Variants in ERBB4 observed in about 807,000 individuals in gnomAD.
ERBB4 encodes erb-b2 receptor tyrosine kinase 4.
ERBB4 carries 42 observed loss-of-function variants against 158.0 expected under a neutral mutation model. That is an observed-to-expected ratio of 0.27 (90% CI 0.21 to 0.34). The LOEUF (loss-of-function observed/expected upper bound fraction) is 0.34, where lower values mean the gene tolerates loss of function less well. Ranked by LOEUF, ERBB4 falls within the 10% of genes least tolerant of loss-of-function variation. The pLI, the probability that ERBB4 is intolerant of heterozygous loss-of-function variation, is 1.00. For missense variants in ERBB4, 1,333 were observed against 1,624.1 expected (o/e 0.82, Z 3.08); for synonymous variants, 583 against 558.7 (o/e 1.04, Z -0.61).
At chr2:211,717,290 T>C (rs900511566) in intron 7 of ERBB4, among the ~76,000 whole-genome samples, 32 of 152,126 alleles carry the variant, frequency 2.1e-4, no homozygotes, top group African/African-American at 7.0e-4. Context: ...CATGGTGACA[T>C]ATAGGGTGAC....
chr2:211,655,395 G>C (rs998731879), intron 16 of ERBB4, among the ~76,000 whole-genome samples: 3 of 152,080 alleles, frequency 2.0e-5, no homozygotes, highest in African/African-American at 4.8e-5. Flanking sequence ...GCCAGGCACT[G>C]TTCTAAGGAC....
chr2:211,888,746 G>C (rs1159716633), intron 3 of ERBB4, among the ~76,000 whole-genome samples: 1 of 152,062 alleles, frequency 6.6e-6, no homozygotes, highest in Non-Finnish European at 1.5e-5. Context: ...GGAAGCGCGA[G>C]GGGTCAGGGA....
intron 1 of ERBB4, among the ~76,000 whole-genome samples, chr2:212,517,006 G>A (rs1340324678): frequency 6.6e-6 from 1 of 152,048 alleles, no homozygotes; most frequent in Non-Finnish European, 1.5e-5. Flanking sequence ...TTAATTTCAG[G>A]CCCACAATCA....
At chr2:211,677,919 A>G (rs1044904275) in intron 13 of ERBB4, among the ~76,000 whole-genome samples, 6 of 152,066 alleles carry the variant, frequency 3.9e-5, no homozygotes, top group Non-Finnish European at 7.4e-5. Context: ...AAGAAAGAAA[A>G]TACTTTCAGT....
intron 1 of ERBB4, among the ~76,000 whole-genome samples, chr2:212,328,433 G>C (rs11898745): frequency 0.031 from 4,750 of 152,086 alleles, 247 homozygotes; most frequent in African/African-American, 0.11. Context: ...AGCCCTCCTA[G>C]ATTCTATAAT....
intron 1 of ERBB4, among the ~76,000 whole-genome samples, chr2:212,511,953 A>C (rs1168161069): frequency 6.6e-6 from 1 of 152,116 alleles, no homozygotes; most frequent in Non-Finnish European, 1.5e-5. Flanking sequence ...CTTTAGCTAA[A>C]ATGGGTAGTG....
chr2:211,597,603 C>A (rs1317166951), intron 19 of ERBB4, among the ~76,000 whole-genome samples: 1 of 151,980 alleles, frequency 6.6e-6, no homozygotes. Context: ...GTTAAATTCT[C>A]ATTATCAAGG....
chr2:212,299,344 G>A (rs962705538), intron 1 of ERBB4, among the ~76,000 whole-genome samples: 2 of 151,604 alleles, frequency 1.3e-5, no homozygotes, highest in Non-Finnish European at 1.5e-5. Flanking sequence ...CCTTTTTGAA[G>A]AATGCAATGA....
At chr2:211,496,935 A>T (rs1439193276) in intron 20 of ERBB4, among the ~76,000 whole-genome samples, 1 of 151,324 alleles carries the variant, frequency 6.6e-6, no homozygotes, top group Admixed American at 6.6e-5. Flanking sequence ...CTGACATTTC[A>T]TACTCTTTTT....
intron 20 of ERBB4, 121 bp from the exon 21 acceptor site, chr2:211,431,221 C>G: frequency 1.2e-6 from 1 of 849,548 alleles, no homozygotes; most frequent in Non-Finnish European, 1.9e-6. Context: ...AGCCAGAATC[C>G]TAGAATATTT....
At chr2:212,015,314 C>T (rs1309291930) in intron 2 of ERBB4, among the ~76,000 whole-genome samples, 2 of 151,504 alleles carry the variant, frequency 1.3e-5, no homozygotes, top group African/African-American at 4.9e-5. Context: ...CTTCCTCTTC[C>T]AATTCACTGT....
chr2:211,421,173 T>TTAAG (rs569631173), intron 24 of ERBB4, among the ~76,000 whole-genome samples: 4 of 152,108 alleles, frequency 2.6e-5, no homozygotes, highest in African/African-American at 9.6e-5. Flanking sequence ...CGTCTATTTC[T>TTAAG]TAAGTATTTT....
At chr2:211,546,827 C>A (rs1235482806) in intron 20 of ERBB4, among the ~76,000 whole-genome samples, 2 of 151,948 alleles carry the variant, frequency 1.3e-5, no homozygotes, top group East Asian at 3.9e-4. Flanking sequence ...TATTGTATGC[C>A]CATTTTAGCG....
At chr2:211,608,908 C>T (rs536974847) in intron 19 of ERBB4, among the ~76,000 whole-genome samples, 1 of 152,250 alleles carries the variant, frequency 6.6e-6, no homozygotes, top group East Asian at 1.9e-4. Flanking sequence ...TTACTGACTT[C>T]TGCCCCTCAA....
At chr2:212,048,856 A>G (rs2077326415) in intron 2 of ERBB4, among the ~76,000 whole-genome samples, 1 of 152,230 alleles carries the variant, frequency 6.6e-6, no homozygotes, top group Admixed American at 6.5e-5. Flanking sequence ...AAGAAAAAAT[A>G]TTCCCCTTAA....
intron 1 of ERBB4, among the ~76,000 whole-genome samples, chr2:212,296,070 A>G (rs191617906): frequency 2.3e-3 from 351 of 152,116 alleles, no homozygotes; most frequent in Non-Finnish European, 4.3e-3. Flanking sequence ...CTTCTTGGAT[A>G]ATCACTTGAC....
intron 4 of ERBB4, among the ~76,000 whole-genome samples, chr2:211,752,105 C>T (rs1343434105): frequency 6.6e-6 from 1 of 152,088 alleles, no homozygotes; most frequent in East Asian, 1.9e-4. Context: ...TTGTAGCTGA[C>T]AGGAAAAGGA....
At chr2:212,226,128 G>A (rs1027739022) in intron 1 of ERBB4, among the ~76,000 whole-genome samples, 1 of 152,136 alleles carries the variant, frequency 6.6e-6, no homozygotes, top group Non-Finnish European at 1.5e-5. Flanking sequence ...GTTGTCAACT[G>A]TCTACGGAGG....
chr2:212,461,339 G>C (rs933144718), intron 1 of ERBB4, among the ~76,000 whole-genome samples: 1 of 152,170 alleles, frequency 6.6e-6, no homozygotes, highest in African/African-American at 2.4e-5. Flanking sequence ...CCAAGACCAT[G>C]GGAACCCACC....
Sources: allele counts gnomAD v4.1 joint callset (sites outside exome capture counted in the v4.1 genomes callset), GRCh38; gene constraint gnomAD v4.1.1; transcripts MANE v1.5; gene names NCBI Gene and HGNC (gene_info 2026-07-23, HGNC 2026-07-21).